NT5C2: variants seen among roughly 807,000 people sequenced by gnomAD.
The protein encoded by NT5C2 is cytosolic purine 5'-nucleotidase.
Under a neutral mutation model 76.1 loss-of-function variants are expected in NT5C2, and 58 were observed. The observed-to-expected ratio is 0.76, with a 90% CI of 0.62 to 0.95. The LOEUF (loss-of-function observed/expected upper bound fraction) is 0.95. Ranked by LOEUF, NT5C2 falls within the 40% of genes least tolerant of loss-of-function variation. The probability of loss-of-function intolerance (pLI) is 0.00; values close to 1 mark genes in which losing one functional copy is unlikely to be tolerated. For synonymous variants in NT5C2, 229 were observed against 237.4 expected, an observed-to-expected ratio of 0.96 and a Z score of 0.32; for missense variants, 478 against 690.3, an observed-to-expected ratio of 0.69 and a Z score of 3.45.
chr10:103,157,662 T>A (rs1011662518), intron 3 of NT5C2, among the ~76,000 whole-genome samples: 10 of 152,156 alleles, frequency 6.6e-5, no homozygotes, highest in Non-Finnish European at 1.5e-4. Context: ...AGCATAGAGA[T>A]TATTCAAGAT....
intron 1 of NT5C2, among the ~76,000 whole-genome samples, chr10:103,187,652 T>C (rs1051342591): frequency 6.6e-6 from 1 of 152,118 alleles, no homozygotes; most frequent in African/African-American, 2.4e-5. Context: ...TAAAATAACT[T>C]AAAATTCTTA....
intron 4 of NT5C2, among the ~76,000 whole-genome samples, chr10:103,129,253 G>A (rs2077421517): frequency 8.7e-6 from 1 of 114,740 alleles, no homozygotes; most frequent in African/African-American, 3.3e-5. Context: ...GGGAGATGGG[G>A]GGGTCAGCCC....
chr10:103,111,282 G>A (rs1056874272), intron 4 of NT5C2, among the ~76,000 whole-genome samples: 2 of 152,036 alleles, frequency 1.3e-5, no homozygotes, highest in Admixed American at 6.6e-5. Context: ...ACTCAATATC[G>A]GAAGACAAAG....
intron 4 of NT5C2, among the ~76,000 whole-genome samples, chr10:103,107,632 C>G (rs897315982): frequency 1.3e-5 from 2 of 151,484 alleles, no homozygotes; most frequent in African/African-American, 4.9e-5. Flanking sequence ...GAGATCATGC[C>G]ACTGCACTCC....
chr10:103,152,107 A>G (rs2133774848), intron 3 of NT5C2, among the ~76,000 whole-genome samples: 1 of 152,296 alleles, frequency 6.6e-6, no homozygotes, highest in South Asian at 2.1e-4. Flanking sequence ...ACAAACTATA[A>G]TAGCTTTATA....
chr10:103,132,801 C>T (rs1255233361), intron 4 of NT5C2, among the ~76,000 whole-genome samples: 1 of 152,056 alleles, frequency 6.6e-6, no homozygotes, highest in Non-Finnish European at 1.5e-5. Context: ...CTGCCTGCCT[C>T]GGTCTCCCAA....
chr10:103,174,773 C>T (rs1042351710), intron 3 of NT5C2, 85 bp downstream of exon 3: 184 of 906,518 alleles, frequency 2.0e-4, no homozygotes, highest in Non-Finnish European at 1.9e-4. Flanking sequence ...TTTACTTAAC[C>T]TCTCTGTACA....
chr10:103,110,401 A>T (rs1457471058), intron 4 of NT5C2, among the ~76,000 whole-genome samples: 1 of 152,212 alleles, frequency 6.6e-6, no homozygotes, highest in Non-Finnish European at 1.5e-5. Flanking sequence ...GGTTGCAGTG[A>T]TCCAAGACTG....
chr10:103,089,763 T>TTAATCTCAC lies in NT5C2; in HGVS notation c.1586_1594dup (p.Ser529_Ile531dup). 1 of 1,613,974 alleles carries TTAATCTCAC rather than the reference T, an allele frequency of 6.2e-7. No homozygotes were observed. The highest frequency in any genetic ancestry group is 8.5e-7 in the Non-Finnish European group (1 of 1,179,982). On this transcript the variant is annotated inframe_insertion, in exon 19 of 19. Coordinates refer to ENST00000404739, the MANE Select transcript of NT5C2 (RefSeq NM_001351169.2). ...GGCCAGTGGGAAGAGGTTGGGAGGTTTAATCTCACTAATTGACCGTGTCAG... is the reference window on the plus strand; with the variant it reads ...GGCCAGTGGGAAGAGGTTGGGAGGTTTAATCTCACTAATCTCACTAATTGACCGTGTCAG...
intron 3 of NT5C2, among the ~76,000 whole-genome samples, chr10:103,151,126 T>C (rs77507911): frequency 2.6e-5 from 4 of 152,164 alleles, no homozygotes; most frequent in African/African-American, 9.7e-5. Context: ...ATTTTTTTTT[T>C]CCTATATGAA....
At chr10:103,171,091 G>A (rs150192018) in intron 3 of NT5C2, among the ~76,000 whole-genome samples, 1 of 152,010 alleles carries the variant, frequency 6.6e-6, no homozygotes, top group East Asian at 1.9e-4. Flanking sequence ...GAAGAGAATC[G>A]TTAGTACCCA....
At chr10:103,172,565 G>A (rs1251952923) in intron 3 of NT5C2, among the ~76,000 whole-genome samples, 1 of 151,532 alleles carries the variant, frequency 6.6e-6, no homozygotes, top group African/African-American at 2.4e-5. Flanking sequence ...ACCACTCACG[G>A]TGGTTCATAC....
chr10:103,114,716 C>A (rs1289032334), intron 4 of NT5C2, among the ~76,000 whole-genome samples: 1 of 152,132 alleles, frequency 6.6e-6, no homozygotes, highest in African/African-American at 2.4e-5. Flanking sequence ...GTAATACTGT[C>A]AGTCTATTCA....
chr10:103,188,970 C>G (rs2092367747), intron 1 of NT5C2, among the ~76,000 whole-genome samples: 1 of 151,608 alleles, frequency 6.6e-6, no homozygotes, highest in Non-Finnish European at 1.5e-5. Flanking sequence ...TGAGATCGAG[C>G]CAGCCTGGGC....
chr10:103,189,347 C>T (rs2135508126), intron 1 of NT5C2, among the ~76,000 whole-genome samples: 1 of 152,132 alleles, frequency 6.6e-6, no homozygotes, highest in East Asian at 1.9e-4. Context: ...GTAGCTCACG[C>T]CTGTAATCGC....
At chr10:103,166,783 G>A (rs1019266167) in intron 3 of NT5C2, among the ~76,000 whole-genome samples, 1 of 152,066 alleles carries the variant, frequency 6.6e-6, no homozygotes, top group African/African-American at 2.4e-5. Context: ...CTCCCCAGTA[G>A]CTAGGACGAC....
rs75386040 is a variant in NT5C2 at position 103,185,665 on chromosome 10, GAA to G, written c.-168-4339_-168-4338del. ...CCCTGTCTCCAAAAAAAAAAAAAAG[GAA>G]AAAAAAAAAAAAGCAGGTAAAAAAC... On this transcript the variant is annotated intron_variant, in intron 1 of 18. Coordinates refer to ENST00000404739, the MANE Select transcript of NT5C2 (RefSeq NM_001351169.2). Among the ~76,000 whole-genome samples the G allele has an allele frequency of 2.7e-3, 310 of 116,406 alleles. 4 individuals carry two copies. Among genetic ancestry groups the G allele is most frequent in the African/African-American group, 9.3e-3 (296 of 31,840 alleles). The allele number at this position is 116,406 out of a possible 152,430, so 76.4% of individuals were successfully genotyped here.
intron 2 of NT5C2, among the ~76,000 whole-genome samples, chr10:103,177,597 C>T (rs2090239056): frequency 1.3e-5 from 2 of 151,560 alleles, no homozygotes; most frequent in Admixed American, 1.3e-4. Context: ...TCATAGCTCA[C>T]TGTAACCCTG....
intron 3 of NT5C2, among the ~76,000 whole-genome samples, chr10:103,174,534 G>C (rs990668789): frequency 6.6e-6 from 1 of 152,126 alleles, no homozygotes; most frequent in African/African-American, 2.4e-5. Context: ...TTGCGCCATT[G>C]TACTCCAGCC....
Sources: allele counts gnomAD v4.1 joint callset (sites outside exome capture counted in the v4.1 genomes callset), GRCh38; gene constraint gnomAD v4.1.1; transcripts MANE v1.5; gene names NCBI Gene and HGNC (gene_info 2026-07-23, HGNC 2026-07-21).